SUGCT: variants seen among roughly 807,000 people sequenced by gnomAD.
SUGCT encodes succinyl-CoA:glutarate CoA-transferase.
SUGCT carries 41 observed loss-of-function variants against 55.0 expected under a neutral mutation model. The observed-to-expected ratio is 0.74, with a 90% CI of 0.58 to 0.97. SUGCT has a LOEUF of 0.97. SUGCT is among the 50% of genes least tolerant of loss of function. The probability of loss-of-function intolerance (pLI) is 0.00; values close to 1 mark genes in which losing one functional copy is unlikely to be tolerated. For missense variants in SUGCT, 568 were observed against 547.8 expected (o/e 1.04, Z -0.37); for synonymous variants, 187 against 200.4 (o/e 0.93, Z 0.56).
At chr7:40,707,096 G>T (rs966905993) in intron 12 of SUGCT, among the ~76,000 whole-genome samples, 5 of 152,152 alleles carry the variant, frequency 3.3e-5, no homozygotes, top group African/African-American at 1.2e-4. Flanking sequence ...GCCCAAGGTA[G>T]AACTGTTTGG....
chr7:40,164,043 C>T (rs1275875833), intron 1 of SUGCT, among the ~76,000 whole-genome samples: 3 of 151,902 alleles, frequency 2.0e-5, no homozygotes, highest in Non-Finnish European at 1.5e-5. Context: ...TGGTCTCGAA[C>T]TCCTGGCCTC....
intron 9 of SUGCT, among the ~76,000 whole-genome samples, chr7:40,383,717 A>G (rs1167076645): frequency 6.6e-6 from 1 of 152,184 alleles, no homozygotes; most frequent in African/African-American, 2.4e-5. Context: ...TCCCGGAGGA[A>G]ATGATAATTG....
chr7:40,895,162 C>A, the SUGCT span, among the ~76,000 whole-genome samples: 1 of 152,084 alleles, frequency 6.6e-6, no homozygotes, highest in Non-Finnish European at 1.5e-5. Context: ...ACCTTTGCAG[C>A]AACATAGATG....
the SUGCT span, chr7:40,964,523 A>G: frequency 6.6e-6 from 1 of 152,174 alleles, no homozygotes; most frequent in Non-Finnish European, 1.5e-5. Flanking sequence ...GGTGGGTCTC[A>G]GTAACATCAC....
chr7:40,563,542 C>CAA (rs112385992), intron 12 of SUGCT, among the ~76,000 whole-genome samples: 1 of 124,570 alleles, frequency 8.0e-6, no homozygotes, highest in Non-Finnish European at 1.7e-5. Flanking sequence ...CTTGTCTTTA[C>CAA]AAAAAAAAAA....
the SUGCT span, among the ~76,000 whole-genome samples, chr7:40,983,541 C>A: frequency 6.6e-6 from 1 of 152,136 alleles, no homozygotes; most frequent in Admixed American, 6.5e-5. Context: ...CTTAGTGAGA[C>A]TGGACATTCT....
At chr7:40,271,749 G>A (rs776068524) in intron 7 of SUGCT, among the ~76,000 whole-genome samples, 8 of 151,896 alleles carry the variant, frequency 5.3e-5, no homozygotes, top group East Asian at 3.9e-4. Flanking sequence ...TATAGTCACC[G>A]TACTGATCTA....
At chr7:40,434,091 G>A (rs961487114) in intron 9 of SUGCT, among the ~76,000 whole-genome samples, 4 of 151,930 alleles carry the variant, frequency 2.6e-5, no homozygotes, top group East Asian at 1.9e-4. Flanking sequence ...AATTTTTTTC[G>A]TGTTGTTTTG....
intron 7 of SUGCT, among the ~76,000 whole-genome samples, 191 bp downstream of exon 7, chr7:40,237,917 A>G (rs756724353): frequency 1.3e-5 from 2 of 152,246 alleles, no homozygotes; most frequent in Non-Finnish European, 2.9e-5. Flanking sequence ...TAAAACAGGA[A>G]GTGTTCATTA....
the SUGCT span, among the ~76,000 whole-genome samples, chr7:40,912,085 T>A: frequency 3.3e-5 from 5 of 152,150 alleles, no homozygotes; most frequent in Admixed American, 2.6e-4. Context: ...TATTGAGGAA[T>A]AGAGGATGCT....
intron 12 of SUGCT, among the ~76,000 whole-genome samples, chr7:40,654,637 TCA>T (rs1800931817): frequency 6.6e-6 from 1 of 152,210 alleles, no homozygotes; most frequent in African/African-American, 2.4e-5. Context: ...ACTATATGCT[TCA>T]CACACACAAA....
the SUGCT span, among the ~76,000 whole-genome samples, chr7:40,996,581 G>C: frequency 6.6e-6 from 1 of 152,180 alleles, no homozygotes; most frequent in Non-Finnish European, 1.5e-5. Context: ...GTGGGGACCA[G>C]GGAAATTGCC....
intron 9 of SUGCT, among the ~76,000 whole-genome samples, chr7:40,418,486 GT>G (rs1196828930): frequency 1.3e-5 from 2 of 152,168 alleles, no homozygotes; most frequent in Non-Finnish European, 2.9e-5. Context: ...AAATGGCTGA[GT>G]CTTTCCTTTT....
At chr7:40,219,979 G>A (rs576831445) in intron 6 of SUGCT, among the ~76,000 whole-genome samples, 1 of 152,224 alleles carries the variant, frequency 6.6e-6, no homozygotes, top group East Asian at 1.9e-4. Context: ...AGTATGTGAA[G>A]AAATAAAGCT....
chr7:40,728,374 C>T (rs910487706), intron 12 of SUGCT, among the ~76,000 whole-genome samples: 2 of 151,986 alleles, frequency 1.3e-5, no homozygotes, highest in Non-Finnish European at 2.9e-5. Context: ...CAAAAATTAG[C>T]CGGGCATAGT....
chr7:40,954,042 G>A, the SUGCT span, among the ~76,000 whole-genome samples: 1 of 152,372 alleles, frequency 6.6e-6, no homozygotes, highest in East Asian at 1.9e-4. Context: ...TATGCCCTGT[G>A]CCTAGAGGTG....
chr7:40,989,564 C>T, the SUGCT span, among the ~76,000 whole-genome samples: 6 of 151,220 alleles, frequency 4.0e-5, no homozygotes, highest in African/African-American at 9.7e-5. Flanking sequence ...GTCAGGAGTT[C>T]GAGACCAGCC....
Position 40,860,420 on chromosome 7 carries a change from G to A in SUGCT, c.1258G>A (p.Asp420Asn). 6.2e-7 allele frequency: 1 copy of A among 1,613,976 alleles called. No individual in the cohort carries two copies. Among genetic ancestry groups the A allele is most frequent in the Non-Finnish European group, 8.5e-7 (1 of 1,179,856 alleles). ...HILKEVLRYD[D>N]RAIGELLSAG... Reference sequence around the variant, plus strand: ...CCTGAAGGAGGTCCTGAGATACGATGACAGGGCCATCGGGGAGCTGCTCAG... The same window carrying A: ...CCTGAAGGAGGTCCTGAGATACGATAACAGGGCCATCGGGGAGCTGCTCAG... The change falls in exon 14 of 14, where the codon GAC (aspartate) becomes AAC (asparagine). Residue 420 changes from aspartate (D) to asparagine (N), a missense_variant. Transcript: ENST00000335693.
intron 12 of SUGCT, among the ~76,000 whole-genome samples, chr7:40,682,734 A>C (rs539559523): frequency 8.4e-5 from 12 of 143,706 alleles, no homozygotes; most frequent in African/African-American, 2.0e-4. Flanking sequence ...CCCACCCCCC[A>C]AAAAAATCCA....
Sources: allele counts gnomAD v4.1 joint callset (sites outside exome capture counted in the v4.1 genomes callset), GRCh38; gene constraint gnomAD v4.1.1; transcripts MANE v1.5; gene names NCBI Gene and HGNC (gene_info 2026-07-23, HGNC 2026-07-21).